PPM1L: variants seen among roughly 807,000 people sequenced by gnomAD.
PPM1L encodes the protein protein phosphatase 1L.
In PPM1L, 13 loss-of-function variants were observed where a neutral mutation model predicts 31.4. The observed-to-expected ratio is 0.41, with a 90% CI of 0.27 to 0.66. PPM1L has a LOEUF of 0.66. Among genes scored for constraint, PPM1L ranks in the 30% least tolerant of loss-of-function variants. The pLI, the probability that PPM1L is intolerant of heterozygous loss-of-function variation, is 0.29. For synonymous variants in PPM1L, 184 were observed against 175.4 expected (o/e 1.05, Z -0.39); for missense variants, 326 against 453.7 (o/e 0.72, Z 2.56).
At chr3:160,928,809 C>T (rs1576720624) in intron 1 of PPM1L, among the ~76,000 whole-genome samples, 1 of 152,072 alleles carries the variant, frequency 6.6e-6, no homozygotes, top group African/African-American at 2.4e-5. Flanking sequence ...AGGCCTTCGC[C>T]GGAGACTGAA....
chr3:160,815,640 C>T (rs2108087763), intron 1 of PPM1L, among the ~76,000 whole-genome samples: 1 of 152,198 alleles, frequency 6.6e-6, no homozygotes, highest in Non-Finnish European at 1.5e-5. Context: ...AACATTATTT[C>T]AAGAAATAAC....
chr3:160,958,633 A>G (rs1715858112), intron 1 of PPM1L, among the ~76,000 whole-genome samples: 1 of 152,186 alleles, frequency 6.6e-6, no homozygotes, highest in Non-Finnish European at 1.5e-5. Context: ...TGCTGAGTCC[A>G]TTTACATTTT....
At chr3:161,011,722 A>T (rs1717902052) in intron 2 of PPM1L, among the ~76,000 whole-genome samples, 1 of 152,122 alleles carries the variant, frequency 6.6e-6, no homozygotes, top group Admixed American at 6.5e-5. Context: ...CTCCTTGAAG[A>T]GGTCCTTCAC....
intron 1 of PPM1L, among the ~76,000 whole-genome samples, chr3:160,856,206 C>A (rs1711696517): frequency 6.6e-6 from 1 of 152,004 alleles, no homozygotes; most frequent in African/African-American, 2.4e-5. Context: ...AGTCCACTTA[C>A]ACAAATGTTG....
At chr3:161,024,655 G>A (rs866261848) in intron 2 of PPM1L, among the ~76,000 whole-genome samples, 7 of 150,144 alleles carry the variant, frequency 4.7e-5, no homozygotes, top group African/African-American at 7.4e-5. Context: ...CTGAGATCAC[G>A]CCATTACACT....
chr3:160,757,845 G>A (rs1305804263), intron 1 of PPM1L, among the ~76,000 whole-genome samples: 2 of 152,110 alleles, frequency 1.3e-5, no homozygotes, highest in African/African-American at 4.8e-5. Flanking sequence ...CTGATCTCTG[G>A]GTAGGCTGTA....
intron 1 of PPM1L, among the ~76,000 whole-genome samples, chr3:160,800,230 T>C (rs939106286): frequency 3.9e-5 from 6 of 152,174 alleles, no homozygotes; most frequent in African/African-American, 1.4e-4. Context: ...CTTCTGAGGC[T>C]TTTTTCCTTT....
At chr3:160,818,861 G>A (rs1419884241) in intron 1 of PPM1L, among the ~76,000 whole-genome samples, 1 of 151,816 alleles carries the variant, frequency 6.6e-6, no homozygotes, top group Admixed American at 6.6e-5. Flanking sequence ...TTTGGGACAA[G>A]CAAAAACAAG....
chr3:161,004,942 A>G (rs1717651469), intron 2 of PPM1L, among the ~76,000 whole-genome samples: 1 of 152,040 alleles, frequency 6.6e-6, no homozygotes, highest in South Asian at 2.1e-4. Context: ...TAGGGTGTCA[A>G]TTTTGGGTCT....
chr3:160,760,495 T>C (rs1164733764), intron 1 of PPM1L, among the ~76,000 whole-genome samples: 2 of 152,226 alleles, frequency 1.3e-5, no homozygotes, highest in African/African-American at 2.4e-5. Flanking sequence ...ATTCTAACCA[T>C]GATACTGTGT....
intron 1 of PPM1L, among the ~76,000 whole-genome samples, chr3:160,775,634 G>A (rs1463879715): frequency 6.6e-6 from 1 of 152,094 alleles, no homozygotes; most frequent in Non-Finnish European, 1.5e-5. Flanking sequence ...TGAGAATTGG[G>A]GGCTGGCTCC....
chr3:160,978,476 A>C (rs1158254107), intron 2 of PPM1L, among the ~76,000 whole-genome samples: 24 of 152,176 alleles, frequency 1.6e-4, no homozygotes, highest in Non-Finnish European at 3.5e-4. Flanking sequence ...ATAAAATCTT[A>C]ACTTCATAGC....
chr3:160,859,468 T>A (rs1293609052), intron 1 of PPM1L, among the ~76,000 whole-genome samples: 1 of 152,214 alleles, frequency 6.6e-6, no homozygotes, highest in African/African-American at 2.4e-5. Context: ...GAGGAATAGC[T>A]TCTCTATCTG....
intron 1 of PPM1L, among the ~76,000 whole-genome samples, chr3:160,764,300 C>T (rs1022485605): frequency 6.6e-6 from 1 of 151,536 alleles, no homozygotes; most frequent in Non-Finnish European, 1.5e-5. Flanking sequence ...CCCAGCTTCA[C>T]CTTTTTTAAA....
At chr3:160,916,251 A>G (rs944769323) in intron 1 of PPM1L, among the ~76,000 whole-genome samples, 1 of 152,230 alleles carries the variant, frequency 6.6e-6, no homozygotes, top group Non-Finnish European at 1.5e-5. Context: ...TGGGCGAAGG[A>G]TATGAACAGA....
intron 2 of PPM1L, among the ~76,000 whole-genome samples, chr3:160,992,068 T>G (rs1717152030): frequency 6.6e-6 from 1 of 152,148 alleles, no homozygotes; most frequent in African/African-American, 2.4e-5. Flanking sequence ...GTAGCTTGCC[T>G]AAGGTTGTAT....
chr3:160,840,660 C>G (rs1713843810), intron 1 of PPM1L, among the ~76,000 whole-genome samples: 1 of 151,338 alleles, frequency 6.6e-6, no homozygotes, highest in Non-Finnish European at 1.5e-5. Context: ...TCTCCAAAGG[C>G]TGGAGAACCT....
intron 2 of PPM1L, among the ~76,000 whole-genome samples, chr3:161,026,051 G>A (rs1182910581): frequency 6.6e-6 from 1 of 152,126 alleles, no homozygotes. Flanking sequence ...ATTAAGACTA[G>A]TTTTGCAATG....
intron 1 of PPM1L, among the ~76,000 whole-genome samples, chr3:160,778,076 C>G (rs1283023292): frequency 6.6e-6 from 1 of 151,932 alleles, no homozygotes; most frequent in Non-Finnish European, 1.5e-5. Flanking sequence ...GCTGTGATAT[C>G]TCATTGTGGT....
Sources: gnomAD v4.1 joint callset for allele counts (sites outside exome capture counted in the v4.1 genomes callset) on GRCh38, gnomAD v4.1.1 for gene constraint, MANE v1.5 for transcripts, NCBI Gene and HGNC (gene_info 2026-07-23, HGNC 2026-07-21) for gene names.